Variants in PTGES3 observed in about 807,000 individuals in gnomAD.
PTGES3 encodes Hsp90 co-chaperone.
Under a neutral mutation model 29.9 loss-of-function variants are expected in PTGES3, and 5 were observed. The ratio of observed to expected loss-of-function variants is 0.17; its 90% CI spans 0.09 to 0.35. The LOEUF is 0.35. PTGES3 is among the 10% of genes least tolerant of loss of function. The pLI, the probability that PTGES3 is intolerant of heterozygous loss-of-function variation, is 1.00. For synonymous variants in PTGES3, 49 were observed against 57.8 expected, an observed-to-expected ratio of 0.85 and a Z score of 0.69; for missense variants, 128 against 190.0, an observed-to-expected ratio of 0.67 and a Z score of 1.92.
intron 1 of PTGES3, among the ~76,000 whole-genome samples, chr12:56,681,682 T>C (rs1952550213): frequency 6.7e-6 from 1 of 148,906 alleles, no homozygotes; most frequent in Non-Finnish European, 1.5e-5. Flanking sequence ...ACCCCATCTC[T>C]ACTTAAAAAA....
intron 3 of PTGES3, among the ~76,000 whole-genome samples, chr12:56,672,509 A>C: frequency 6.6e-6 from 1 of 152,154 alleles, no homozygotes; most frequent in African/African-American, 2.4e-5. Flanking sequence ...AACAAAACAA[A>C]TAAAAAAGAT....
intron 6 of PTGES3, chr12:56,665,043 C>T (rs532496414): frequency 6.1e-6 from 6 of 985,200 alleles, no homozygotes; most frequent in Middle Eastern, 5.2e-4. Context: ...TTAGCCCACC[C>T]GTTGAATCCA....
chr12:56,680,078 GTT>G (rs111760867), intron 1 of PTGES3, among the ~76,000 whole-genome samples: 6 of 139,544 alleles, frequency 4.3e-5, no homozygotes, highest in African/African-American at 5.3e-5. Context: ...ATTGGTTTTG[GTT>G]TTTTTTTTTT....
intron 1 of PTGES3, among the ~76,000 whole-genome samples, chr12:56,676,431 G>C (rs867055487): frequency 6.6e-6 from 1 of 152,034 alleles, no homozygotes; most frequent in Non-Finnish European, 1.5e-5. Flanking sequence ...ACATGATAAT[G>C]GAGTCCTGAG....
At chr12:56,682,717 A>C (rs1484491088) in intron 1 of PTGES3, among the ~76,000 whole-genome samples, 2 of 120,748 alleles carry the variant, frequency 1.7e-5, no homozygotes, top group African/African-American at 6.7e-5. Flanking sequence ...GTCTCCATTT[A>C]AAAGAAAAAA....
intron 1 of PTGES3, among the ~76,000 whole-genome samples, chr12:56,685,420 TAA>T (rs1326311160): frequency 1.7e-5 from 2 of 121,088 alleles, no homozygotes; most frequent in Middle Eastern, 4.2e-3. Context: ...TTTTTTTTTT[TAA>T]GACAGTCTCG....
rs763679764 is a variant in PTGES3 at position 56,670,267 on chromosome 12, G to A, written c.375+8C>T. ...CGAATGGGGAGAGGTCCATTTAAAGGAACTTACCTCAGAGAAACGATCAAA... is the reference window on the plus strand; with the variant it reads ...CGAATGGGGAGAGGTCCATTTAAAGAAACTTACCTCAGAGAAACGATCAAA... On this transcript the variant is annotated splice_region_variant and intron_variant, in intron 5 of 7. Coordinates refer to ENST00000262033, the MANE Select transcript of PTGES3 (RefSeq NM_006601.7). The A allele has an allele frequency of 4.4e-6, 7 of 1,593,112 alleles. No individual in the cohort carries two copies. In the Admixed American group the frequency reaches 8.3e-5, roughly 19 times the overall value.
At chr12:56,667,768 C>G (rs1951843436) in intron 5 of PTGES3, among the ~76,000 whole-genome samples, 2 of 152,188 alleles carry the variant, frequency 1.3e-5, no homozygotes, top group Admixed American at 1.3e-4. Context: ...TACTACTGTA[C>G]AGCATTATGC....
At chr12:56,683,792 T>C (rs1282212050) in intron 1 of PTGES3, among the ~76,000 whole-genome samples, 3 of 150,712 alleles carry the variant, frequency 2.0e-5, no homozygotes, top group African/African-American at 7.3e-5. Flanking sequence ...ACCCCGTCTC[T>C]ACTAAAAATA....
At chr12:56,680,340 G>T (rs1413617627) in intron 1 of PTGES3, among the ~76,000 whole-genome samples, 3 of 151,750 alleles carry the variant, frequency 2.0e-5, no homozygotes, top group Non-Finnish European at 4.4e-5. Flanking sequence ...CCCCCAAAGT[G>T]GTGGGATTAT....
At chr12:56,686,395 C>G (rs1327764949) in intron 1 of PTGES3, among the ~76,000 whole-genome samples, 1 of 150,348 alleles carries the variant, frequency 6.7e-6, no homozygotes, top group East Asian at 2.0e-4. Context: ...TATTTTGAGA[C>G]GGGTTTTCAC....
rs1951684130 is a variant in PTGES3, at chr12:56,663,591, A to T, written c.*888T>A. 1 of 152,662 alleles carries T rather than the reference A, an allele frequency of 6.6e-6. No homozygotes were observed. The highest frequency in any genetic ancestry group is 2.1e-4 in the South Asian group (1 of 4,836). 9.5% of individuals were successfully genotyped at this position (152,662 alleles called of 1,614,324 possible). Reference sequence around the variant, plus strand: ...CAGTAAGCCAGACACTTAAAAGGACAGCCAAGAAGTCTTCCAACAGTTTAT... The same window carrying T: ...CAGTAAGCCAGACACTTAAAAGGACTGCCAAGAAGTCTTCCAACAGTTTAT... On this transcript the variant is annotated 3_prime_UTR_variant, in exon 8 of 8. Transcript: ENST00000262033.
chr12:56,682,212 C>A (rs985727491), intron 1 of PTGES3, among the ~76,000 whole-genome samples: 5 of 152,094 alleles, frequency 3.3e-5, no homozygotes, highest in Non-Finnish European at 7.3e-5. Flanking sequence ...AGAAAAGCCC[C>A]AACAGCACAT....
intron 1 of PTGES3, chr12:56,687,728 G>T: frequency 7.3e-7 from 1 of 1,361,582 alleles, no homozygotes; most frequent in Non-Finnish European, 9.4e-7. Flanking sequence ...CGAAAGAGGC[G>T]AGTAACCCAG....
chr12:56,672,272 GGC>G (rs1952033942), intron 3 of PTGES3, among the ~76,000 whole-genome samples: 1 of 152,146 alleles, frequency 6.6e-6, no homozygotes, highest in African/African-American at 2.4e-5. Flanking sequence ...GGGAGGCCGA[GGC>G]AGGTGGAACA....
At chr12:56,677,604 T>C (rs1208590882) in intron 1 of PTGES3, among the ~76,000 whole-genome samples, 1 of 152,194 alleles carries the variant, frequency 6.6e-6, no homozygotes, top group Non-Finnish European at 1.5e-5. Context: ...GGATACTATA[T>C]AACTTCTCAA....
In PTGES3 at chr12:56,665,074, G is replaced by A. The variant is rs573856040; in HGVS notation, c.439-274C>T. 13 of 985,122 alleles carry A rather than the reference G, an allele frequency of 1.3e-5. No homozygotes were observed. The South Asian group carries it at 4.7e-4, about 36-fold the overall frequency. The allele number at this position is 985,122 out of a possible 1,614,324, so 61.0% of individuals were successfully genotyped here. A position where few individuals can be genotyped will look rare whatever the true frequency, so the allele number is the denominator to read the frequency against. On this transcript the variant is annotated intron_variant, in intron 6 of 7. Transcript: ENST00000262033. ...ATCCATTCCTAAATTAACCTATCTCGGCATTCAAAGAGAAAACATGGATCA... is the reference window on the plus strand; with the variant it reads ...ATCCATTCCTAAATTAACCTATCTCAGCATTCAAAGAGAAAACATGGATCA...
intron 3 of PTGES3, 31 bp downstream of exon 3, chr12:56,672,709 A>T: frequency 1.3e-6 from 2 of 1,518,158 alleles, no homozygotes; most frequent in Non-Finnish European, 1.8e-6. Flanking sequence ...CTCACAACTA[A>T]AATTTGGATT....
chr12:56,665,734 C>T, intron 6 of PTGES3: 1 of 798,192 alleles, frequency 1.3e-6, no homozygotes, highest in Non-Finnish European at 1.5e-6. Flanking sequence ...CTCCGCCTCC[C>T]AGGTTCAAGC....
Sources: gnomAD v4.1 joint callset for allele counts (sites outside exome capture counted in the v4.1 genomes callset) on GRCh38, gnomAD v4.1.1 for gene constraint, MANE v1.5 for transcripts, NCBI Gene and HGNC (gene_info 2026-07-23, HGNC 2026-07-21) for gene names.